GAD2: variants seen among roughly 807,000 people sequenced by gnomAD.
GAD2 encodes 65 kDa glutamic acid decarboxylase.
Under a neutral mutation model 80.1 loss-of-function variants are expected in GAD2, and 22 were observed. That is an observed-to-expected ratio of 0.27 (90% CI 0.20 to 0.39). The LOEUF (loss-of-function observed/expected upper bound fraction) is 0.39, where lower values mean the gene tolerates loss of function less well. Ranked by LOEUF, GAD2 falls within the 10% of genes least tolerant of loss-of-function variation. The probability of loss-of-function intolerance (pLI) is 1.00; values close to 1 mark genes in which losing one functional copy is unlikely to be tolerated. For synonymous variants in GAD2, 274 were observed against 256.9 expected (o/e 1.07, Z -0.64); for missense variants, 624 against 738.4 (o/e 0.85, Z 1.80).
chr10:26,228,581 G>A (rs918257601), intron 6 of GAD2, among the ~76,000 whole-genome samples: 22 of 152,262 alleles, frequency 1.4e-4, no homozygotes, highest in African/African-American at 3.6e-4. Context: ...TATTAGGAAC[G>A]GGGCCACAGA....
intron 13 of GAD2, among the ~76,000 whole-genome samples, chr10:26,287,964 C>G (rs570233999): frequency 2.6e-5 from 4 of 152,120 alleles, no homozygotes; most frequent in Non-Finnish European, 5.9e-5. Context: ...AGGATAAGAC[C>G]AGTGAATGGG....
intron 7 of GAD2, among the ~76,000 whole-genome samples, chr10:26,234,716 G>T (rs1417688540): frequency 6.6e-6 from 1 of 152,142 alleles, no homozygotes; most frequent in East Asian, 1.9e-4. Context: ...ACTGTTGGGA[G>T]GGTTCAATTA....
rs1328131595 is a variant in GAD2 at position 26,235,582 on chromosome 10, C to T, written c.840+5805C>T. On this transcript the variant is annotated intron_variant, in intron 7 of 15. Transcript: ENST00000376261. ...TTCTGTGGCAAGCGTTTAAGAGTTC[C>T]AAGATTACTTTTCTCTAAAATAGAG... 2.0e-5 allele frequency among the ~76,000 whole-genome samples: 3 copies of T among 152,288 alleles called. No individual in the cohort carries two copies. In the South Asian group the frequency reaches 6.2e-4, roughly 32 times the overall value.
At chr10:26,241,965 T>G (rs1001293042) in intron 7 of GAD2, among the ~76,000 whole-genome samples, 1 of 148,658 alleles carries the variant, frequency 6.7e-6, no homozygotes. Context: ...GAATCACTGG[T>G]TCCATTTGTT....
At chr10:26,219,644 C>A (rs1409021565) in intron 4 of GAD2, among the ~76,000 whole-genome samples, 3 of 152,158 alleles carry the variant, frequency 2.0e-5, no homozygotes, top group Non-Finnish European at 4.4e-5. Context: ...TCGAAAAATG[C>A]GTGATCCAAA....
chr10:26,241,969 A>ATTTGTTTGTTTGTTTGTTTG (rs113962077), intron 7 of GAD2, among the ~76,000 whole-genome samples: 9 of 151,434 alleles, frequency 5.9e-5, no homozygotes, highest in African/African-American at 2.2e-4. Context: ...CACTGGTTCC[A>ATTTGTTTGTTTGTTTGTTTG]TTTGTTTGTT....
At position 26,269,119 on chromosome 10, in the gene GAD2, A is replaced by G; in HGVS notation, c.921A>G (p.Arg307=). 6.3e-7 allele frequency: 1 copy of G among 1,589,556 alleles called. No individual in the cohort carries two copies. Among genetic ancestry groups the G allele is most frequent in the Non-Finnish European group, 8.6e-7 (1 of 1,167,174 alleles). The change falls in exon 9 of 16, where the codon AGA becomes AGG. Residue 307 remains arginine, a splice_region_variant and synonymous_variant. Transcript: ENST00000376261. The part of the protein sequence containing the change: ...DSVILIKCDE[R]GKMIPSDLER... ...AATCTATATTTCTTTTTCCTTCCAG[A>G]GGGAAAATGATTCCATCTGATCTTG...
chr10:26,295,550 T>G (rs1189990073), intron 15 of GAD2, among the ~76,000 whole-genome samples: 1 of 82,664 alleles, frequency 1.2e-5, no homozygotes, highest in Non-Finnish European at 2.3e-5. Flanking sequence ...ACACACACAG[T>G]CCCAGAGGGA....
At chr10:26,228,994 A>G (rs1844564334) in intron 6 of GAD2, among the ~76,000 whole-genome samples, 1 of 152,138 alleles carries the variant, frequency 6.6e-6, no homozygotes, top group South Asian at 2.1e-4. Context: ...GTTTGAGACC[A>G]GCCTGGCCAA....
intron 11 of GAD2, among the ~76,000 whole-genome samples, chr10:26,275,843 A>G (rs911307375): frequency 2.5e-4 from 38 of 152,300 alleles, no homozygotes; most frequent in African/African-American, 8.7e-4. Flanking sequence ...GTCACAGAGG[A>G]TCCTGAATGC....
At chr10:26,286,203 C>CT (rs1033610717) in intron 12 of GAD2, 142 bp from the exon 13 acceptor site, 90 of 769,584 alleles carry the variant, frequency 1.2e-4, no homozygotes, top group Non-Finnish European at 7.2e-5. Flanking sequence ...TGCCCCCATT[C>CT]TTTTTTTTAA....
At position 26,300,845 on chromosome 10, in the gene GAD2, C is replaced by G. The variant is rs750256807; in HGVS notation, c.1642C>G (p.Gln548Glu). 6.2e-7 allele frequency: 1 copy of G among 1,613,696 alleles called. No homozygotes were observed. Among genetic ancestry groups the G allele is most frequent in the African/African-American group, 1.3e-5 (1 of 74,888 alleles). The stretch of plus-strand genomic sequence containing the variant: ...GTATGGAACCACAATGGTCAGCTAC[C>G]AACCCTTGGGAGACAAGGTCAATTT... ...MEYGTTMVSY[Q>E]PLGDKVNFFR... Residue 548 changes from glutamine to glutamate, a missense_variant, in exon 16 of 16, where the codon CAA becomes GAA. Transcript: ENST00000376261.
chr10:26,238,439 T>C (rs1043483556), intron 7 of GAD2, among the ~76,000 whole-genome samples: 3 of 152,262 alleles, frequency 2.0e-5, no homozygotes, highest in African/African-American at 7.2e-5. Context: ...TCAAAATGAC[T>C]GAAGACATAC....
intron 12 of GAD2, among the ~76,000 whole-genome samples, chr10:26,284,564 C>CTTTTTTTTTTTTTTTTTTTTTTT (rs35046451): frequency 1.1e-5 from 1 of 93,156 alleles, no homozygotes; most frequent in Non-Finnish European, 2.1e-5. Context: ...GGCTGTTCAG[C>CTTTTTTTTTTTTTTTTTTTTTTT]TTTTTTTTTT....
chr10:26,268,384 T>C (rs8190704), intron 8 of GAD2, among the ~76,000 whole-genome samples: 53,100 of 150,504 alleles, frequency 0.35, 10,424 homozygotes, highest in African/African-American at 0.54. Flanking sequence ...AGGAGAATGG[T>C]GTGAACCCGG....
Position 26,263,554 on chromosome 10 carries a change from C to T in GAD2, c.921-5565C>T, listed in dbSNP as rs552939378. 5.9e-5 allele frequency among the ~76,000 whole-genome samples: 9 copies of T among 152,338 alleles called. No individual in the cohort carries two copies. The South Asian group carries it at 1.9e-3, about 32-fold the overall frequency. ...CTGCTCCTGTGCAATTCATCTTCAA[C>T]AATTTTTTCCCCAAGTCAGTCTATG... On this transcript the variant is annotated intron_variant, in intron 8 of 15. Transcript: ENST00000376261.
At chr10:26,256,202 G>A (rs1042042324) in intron 8 of GAD2, among the ~76,000 whole-genome samples, 6 of 151,920 alleles carry the variant, frequency 3.9e-5, no homozygotes, top group African/African-American at 9.7e-5. Context: ...TACATATTGA[G>A]TGTAATATTG....
At chr10:26,281,688 C>A (rs1194965782) in intron 12 of GAD2, among the ~76,000 whole-genome samples, 2 of 152,100 alleles carry the variant, frequency 1.3e-5, no homozygotes, top group Admixed American at 6.5e-5. Flanking sequence ...ATGAATGAAA[C>A]CATCTTGAAA....
intron 7 of GAD2, among the ~76,000 whole-genome samples, chr10:26,238,999 A>C (rs1844709043): frequency 6.6e-6 from 1 of 152,126 alleles, no homozygotes; most frequent in Non-Finnish European, 1.5e-5. Context: ...GGGGGTGGTC[A>C]GGAAGCATGA....
Sources: gnomAD v4.1 joint callset for allele counts (sites outside exome capture counted in the v4.1 genomes callset) on GRCh38, gnomAD v4.1.1 for gene constraint, MANE v1.5 for transcripts, NCBI Gene and HGNC (gene_info 2026-07-23, HGNC 2026-07-21) for gene names.